The following MSRA variants were observed in gnomAD, a reference collection of about 807,000 sequenced individuals.
The protein encoded by MSRA is mitochondrial peptide methionine sulfoxide reductase.
MSRA carries 54 observed loss-of-function variants against 31.3 expected under a neutral mutation model. The ratio of observed to expected loss-of-function variants is 1.73; its 90% CI spans 1.39 to 2.17. The LOEUF (loss-of-function observed/expected upper bound fraction) is 2.17, where lower values mean the gene tolerates loss of function less well. Ranked by LOEUF, MSRA falls within the 30% of genes most tolerant of loss-of-function variation. MSRA has a pLI of 0.00. For synonymous variants in MSRA, 169 were observed against 116.5 expected (o/e 1.45, Z -2.90); for missense variants, 507 against 300.9 (o/e 1.69, Z -5.07).
At chr8:10,057,483 T>G (rs1053908286) in intron 1 of MSRA, among the ~76,000 whole-genome samples, 10 of 152,232 alleles carry the variant, frequency 6.6e-5, no homozygotes, top group Admixed American at 1.3e-4. Context: ...TTCCTTACAG[T>G]CAGAACTGAT....
At chr8:10,120,396 C>T (rs1341125457) in intron 1 of MSRA, among the ~76,000 whole-genome samples, 5 of 152,082 alleles carry the variant, frequency 3.3e-5, no homozygotes, top group East Asian at 1.9e-4. Context: ...TTTGCCCATC[C>T]GTGTCTGGTT....
At chr8:10,403,306 C>G (rs542640864) in intron 5 of MSRA, among the ~76,000 whole-genome samples, 2 of 152,190 alleles carry the variant, frequency 1.3e-5, no homozygotes, top group African/African-American at 4.8e-5. Context: ...AGAAAAATGA[C>G]ATCAACCCAG....
At chr8:10,350,165 C>T (rs1804036968) in intron 5 of MSRA, among the ~76,000 whole-genome samples, 2 of 152,232 alleles carry the variant, frequency 1.3e-5, no homozygotes, top group Admixed American at 1.3e-4. Context: ...ATTTGGTCTG[C>T]AGTCTTCGTT....
intron 5 of MSRA, among the ~76,000 whole-genome samples, chr8:10,366,954 A>C (rs1477910665): frequency 1.3e-5 from 2 of 152,130 alleles, no homozygotes; most frequent in African/African-American, 4.8e-5. Context: ...CCTTATAATT[A>C]AGTAGTCTCC....
At chr8:10,275,609 A>G (rs1367540047) in intron 3 of MSRA, among the ~76,000 whole-genome samples, 1 of 152,178 alleles carries the variant, frequency 6.6e-6, no homozygotes, top group Non-Finnish European at 1.5e-5. Context: ...AAAGCAAGAG[A>G]TGGAACTAGG....
intron 5 of MSRA, among the ~76,000 whole-genome samples, chr8:10,392,569 G>C (rs1806813560): frequency 6.6e-6 from 1 of 152,086 alleles, no homozygotes; most frequent in Non-Finnish European, 1.5e-5. Context: ...CAGGAAATGT[G>C]CCCAGCAGCC....
At chr8:10,067,531 C>G (rs368970933) in intron 1 of MSRA, among the ~76,000 whole-genome samples, 2 of 152,174 alleles carry the variant, frequency 1.3e-5, no homozygotes, top group African/African-American at 2.4e-5. Context: ...AAGTTTTCAA[C>G]TCATTTGGGT....
chr8:10,362,998 T>A (rs1804941542), intron 5 of MSRA, among the ~76,000 whole-genome samples: 1 of 152,206 alleles, frequency 6.6e-6, no homozygotes, highest in South Asian at 2.1e-4. Flanking sequence ...TTTGATTCAT[T>A]TGGTGTTAAG....
At chr8:10,185,461 A>G (rs533605254) in intron 1 of MSRA, among the ~76,000 whole-genome samples, 2 of 151,996 alleles carry the variant, frequency 1.3e-5, no homozygotes, top group African/African-American at 2.4e-5. Flanking sequence ...CTGCCTTTCT[A>G]CCTCAGAGTT....
In MSRA at chr8:10,177,078, G is replaced by A. The variant is rs564828103; in HGVS notation, c.143-30755G>A. 1.4e-4 allele frequency among the ~76,000 whole-genome samples: 21 copies of A among 152,268 alleles called. No homozygotes were observed. The East Asian group carries it at 1.7e-3, about 13-fold the overall frequency. ...TCTCAAGACTTGTTCAGTTTATTAC[G>A]TGCTGTTTGCTGTTTGATTCAATGA... On this transcript the variant is annotated intron_variant, in intron 1 of 5. Transcript: ENST00000317173.
At chr8:10,195,292 G>C (rs560576720) in intron 1 of MSRA, among the ~76,000 whole-genome samples, 16 of 152,318 alleles carry the variant, frequency 1.1e-4, no homozygotes, top group African/African-American at 3.8e-4. Context: ...CCAGGCTTCA[G>C]TGCAGTGGCA....
At chr8:10,278,874 C>A (rs1027148721) in intron 3 of MSRA, among the ~76,000 whole-genome samples, 2 of 152,172 alleles carry the variant, frequency 1.3e-5, no homozygotes, top group Admixed American at 6.5e-5. Flanking sequence ...GTGGCTTAGT[C>A]TTTCAAAGAT....
chr8:10,340,883 A>G (rs1376492593), intron 5 of MSRA, among the ~76,000 whole-genome samples: 1 of 152,254 alleles, frequency 6.6e-6, no homozygotes, highest in Non-Finnish European at 1.5e-5. Context: ...CACAGAAAGA[A>G]CAGTTCTTGT....
chr8:10,067,667 C>G (rs1797527992), intron 1 of MSRA, among the ~76,000 whole-genome samples: 1 of 152,176 alleles, frequency 6.6e-6, no homozygotes, highest in Non-Finnish European at 1.5e-5. Flanking sequence ...TGCTCCACAT[C>G]CTTCCCGGCA....
intron 2 of MSRA, among the ~76,000 whole-genome samples, chr8:10,211,547 A>G (rs1187905021): frequency 6.6e-6 from 1 of 152,028 alleles, no homozygotes; most frequent in Non-Finnish European, 1.5e-5. Context: ...CACATTTTGC[A>G]ATTACTTCCT....
chr8:10,400,788 G>A (rs1807412366), intron 5 of MSRA, among the ~76,000 whole-genome samples: 2 of 152,182 alleles, frequency 1.3e-5, no homozygotes, highest in Admixed American at 6.5e-5. Context: ...GATGGTGCTG[G>A]GACAACTGGA....
At chr8:10,414,925 A>T (rs999970946) in intron 5 of MSRA, among the ~76,000 whole-genome samples, 2 of 152,214 alleles carry the variant, frequency 1.3e-5, no homozygotes, top group Non-Finnish European at 2.9e-5. Context: ...GAAGGAGAAG[A>T]TCCATGTCTC....
intron 1 of MSRA, among the ~76,000 whole-genome samples, chr8:10,178,027 C>G (rs1443333685): frequency 6.6e-6 from 1 of 152,206 alleles, no homozygotes; most frequent in African/African-American, 2.4e-5. Flanking sequence ...TCACCTGCCT[C>G]TTTTTTCCAG....
chr8:10,427,375 C>A (rs1209895367), intron 5 of MSRA, among the ~76,000 whole-genome samples: 2 of 152,230 alleles, frequency 1.3e-5, no homozygotes, highest in Non-Finnish European at 2.9e-5. Context: ...GCCCCTCTCT[C>A]CTTTCCCAGC....
Sources: allele counts gnomAD v4.1 joint callset (sites outside exome capture counted in the v4.1 genomes callset), GRCh38; gene constraint gnomAD v4.1.1; transcripts MANE v1.5; gene names NCBI Gene and HGNC (gene_info 2026-07-23, HGNC 2026-07-21).